The following ADK variants were observed in gnomAD, a reference collection of about 807,000 sequenced individuals.
The protein encoded by ADK is adenosine kinase.
Under a neutral mutation model 44.7 loss-of-function variants are expected in ADK, and 24 were observed. The ratio of observed to expected loss-of-function variants is 0.54; its 90% CI spans 0.39 to 0.76. The LOEUF is 0.76. Among genes scored for constraint, ADK ranks in the 30% least tolerant of loss-of-function variants. The pLI, the probability that ADK is intolerant of heterozygous loss-of-function variation, is 0.00. For synonymous variants in ADK, 128 were observed against 142.6 expected (o/e 0.90, Z 0.73); for missense variants, 321 against 425.1 (o/e 0.76, Z 2.15).
At chr10:74,637,523 G>T (rs1349877477) in intron 9 of ADK, among the ~76,000 whole-genome samples, 3 of 152,176 alleles carry the variant, frequency 2.0e-5, no homozygotes, top group African/African-American at 7.2e-5. Context: ...CATCAGCTAT[G>T]CTGGAAGTCT....
Position 74,637,962 on chromosome 10 carries a change from A to G in ADK, c.878-32221A>G, listed in dbSNP as rs75867612. 3.3e-5 allele frequency among the ~76,000 whole-genome samples: 5 copies of G among 152,332 alleles called. No homozygotes were observed. In the East Asian group the frequency reaches 7.7e-4, roughly 23 times the overall value. On this transcript the variant is annotated intron_variant, in intron 9 of 10. Transcript: ENST00000539909. ...AAATAGTGCAGTTTATTGTATGTCA[A>G]TCATGCTTCGATAAAGATGTTAGCA...
chr10:74,590,328 A>G (rs1851673250), intron 8 of ADK, among the ~76,000 whole-genome samples: 2 of 152,196 alleles, frequency 1.3e-5, no homozygotes, highest in African/African-American at 2.4e-5. Flanking sequence ...GTGATTGAAT[A>G]GTATCAGTAA....
intron 3 of ADK, among the ~76,000 whole-genome samples, chr10:74,280,136 GT>G (rs1241778842): frequency 6.6e-6 from 1 of 151,906 alleles, no homozygotes; most frequent in African/African-American, 2.4e-5. Flanking sequence ...TGATATCTGT[GT>G]TTTTTTGTTT....
intron 7 of ADK, among the ~76,000 whole-genome samples, chr10:74,534,268 G>A (rs1298005491): frequency 6.6e-6 from 1 of 152,114 alleles, no homozygotes; most frequent in African/African-American, 2.4e-5. Flanking sequence ...TTGTATGTCA[G>A]TTATACCTCA....
chr10:74,291,472 CAAAAAG>C (rs961565383), intron 3 of ADK, among the ~76,000 whole-genome samples: 2 of 151,916 alleles, frequency 1.3e-5, no homozygotes, highest in Non-Finnish European at 2.9e-5. Context: ...TCACATATAA[CAAAAAG>C]AAAGCATTTT....
intron 3 of ADK, among the ~76,000 whole-genome samples, chr10:74,277,063 G>A (rs978930851): frequency 7.3e-5 from 11 of 150,966 alleles, no homozygotes; most frequent in African/African-American, 2.2e-4. Context: ...GATTACAGGC[G>A]CCTGCCACCA....
At chr10:74,276,582 T>C (rs1455616546) in intron 3 of ADK, among the ~76,000 whole-genome samples, 1 of 152,240 alleles carries the variant, frequency 6.6e-6, no homozygotes, top group African/African-American at 2.4e-5. Context: ...GCTCCAGGTT[T>C]TACAAGGCAG....
At chr10:74,364,688 GT>G (rs1364845582) in intron 4 of ADK, among the ~76,000 whole-genome samples, 30 of 1,896 alleles carry the variant, frequency 0.016, no homozygotes, top group South Asian at 0.053. Context: ...AAAGGCTATG[GT>G]GTGTGTGTGT....
At chr10:74,490,539 G>T (rs1847439303) in intron 6 of ADK, among the ~76,000 whole-genome samples, 1 of 152,048 alleles carries the variant, frequency 6.6e-6, no homozygotes, top group Non-Finnish European at 1.5e-5. Context: ...GCCACAATTA[G>T]AACAGAGTTT....
intron 3 of ADK, among the ~76,000 whole-genome samples, chr10:74,225,185 C>A (rs1414095214): frequency 6.6e-6 from 1 of 152,190 alleles, no homozygotes; most frequent in Non-Finnish European, 1.5e-5. Context: ...TCAAGCAATT[C>A]CCCTGCCTTA....
At chr10:74,191,274 C>T (rs1048766141) in intron 1 of ADK, among the ~76,000 whole-genome samples, 8 of 151,392 alleles carry the variant, frequency 5.3e-5, no homozygotes, top group Admixed American at 1.3e-4. Context: ...CCACTATGCC[C>T]GGCCCAAGTC....
rs1024884633 is a variant in ADK, at chr10:74,589,409, T to C, written c.762+92T>C. The C allele has an allele frequency of 6.1e-6, 8 of 1,313,834 alleles. No homozygotes were observed. In the South Asian group the frequency reaches 7.2e-5, roughly 12 times the overall value. The allele number at this position is 1,313,834 out of a possible 1,614,324, so 81.4% of individuals were successfully genotyped here. ...TTTTGGACAGTGATTGATGTGCTATTATACTCTCAGAGCCTCGCAGCAGTT... is the reference window on the plus strand; with the variant it reads ...TTTTGGACAGTGATTGATGTGCTATCATACTCTCAGAGCCTCGCAGCAGTT... On this transcript the variant is annotated intron_variant, in intron 8 of 10. Transcript: ENST00000539909.
intron 9 of ADK, 40 bp downstream of exon 9, chr10:74,600,533 G>T: frequency 7.2e-7 from 1 of 1,386,364 alleles, no homozygotes; most frequent in South Asian, 1.3e-5. Context: ...GTATTATGGA[G>T]ATTAATCAAT....
chr10:74,398,603 C>A, intron 6 of ADK, 24 bp downstream of exon 6: 1 of 1,333,622 alleles, frequency 7.5e-7, no homozygotes, highest in Non-Finnish European at 1.1e-6. Flanking sequence ...TAATTCAAAT[C>A]TCTAGTACAT....
At chr10:74,664,060 A>G (rs1227829877) in intron 9 of ADK, among the ~76,000 whole-genome samples, 1 of 152,234 alleles carries the variant, frequency 6.6e-6, no homozygotes, top group Non-Finnish European at 1.5e-5. Flanking sequence ...AAATAATTAA[A>G]TTTAAGGTCT....
chr10:74,638,947 A>G (rs1488558729), intron 9 of ADK, among the ~76,000 whole-genome samples: 1 of 152,124 alleles, frequency 6.6e-6, no homozygotes, highest in Non-Finnish European at 1.5e-5. Flanking sequence ...AGCTGGGACT[A>G]TAGGTGCACA....
At chr10:74,244,741 C>G (rs1845349300) in intron 3 of ADK, among the ~76,000 whole-genome samples, 1 of 151,742 alleles carries the variant, frequency 6.6e-6, no homozygotes, top group Non-Finnish European at 1.5e-5. Flanking sequence ...TAATTATTAC[C>G]CAGAAACTTA....
rs553319143 is a variant in ADK at position 74,400,985 on chromosome 10, A to G, written c.555+2406A>G. ...AAAAGCTAAAATTGAATATGGATAC[A>G]CCAGCATCCTCTTTTGGTTTAAATA... On this transcript the variant is annotated intron_variant, in intron 6 of 10. Transcript: ENST00000539909. Among the ~76,000 whole-genome samples, 3 of 152,338 alleles carry G rather than the reference A, an allele frequency of 2.0e-5. No individual in the cohort carries two copies. The East Asian group carries it at 5.8e-4, about 29-fold the overall frequency.
intron 3 of ADK, among the ~76,000 whole-genome samples, chr10:74,225,675 G>A (rs923463250): frequency 2.6e-5 from 4 of 152,060 alleles, no homozygotes; most frequent in South Asian, 2.1e-4. Context: ...CGTTCTTACC[G>A]TTTACACATT....
Sources: allele counts gnomAD v4.1 joint callset (sites outside exome capture counted in the v4.1 genomes callset), GRCh38; gene constraint gnomAD v4.1.1; transcripts MANE v1.5; gene names NCBI Gene and HGNC (gene_info 2026-07-23, HGNC 2026-07-21).